The following RABGAP1L variants were observed in gnomAD, a reference collection of about 807,000 sequenced individuals.
RABGAP1L encodes the protein RAB GTPase activating protein 1 like.
RABGAP1L carries 63 observed loss-of-function variants against 137.7 expected under a neutral mutation model. That is an observed-to-expected ratio of 0.46 (90% CI 0.37 to 0.56). The LOEUF (loss-of-function observed/expected upper bound fraction) is 0.56, where lower values mean the gene tolerates loss of function less well. Among genes scored for constraint, RABGAP1L ranks in the 20% least tolerant of loss-of-function variants. The pLI, the probability that RABGAP1L is intolerant of heterozygous loss-of-function variation, is 0.00. For missense variants in RABGAP1L, 1,095 were observed against 1,244.0 expected (o/e 0.88, Z 1.80); for synonymous variants, 431 against 433.7 (o/e 0.99, Z 0.08).
intron 18 of RABGAP1L, among the ~76,000 whole-genome samples, chr1:174,775,659 C>T (rs1410630371): frequency 1.3e-5 from 2 of 151,970 alleles, no homozygotes; most frequent in Non-Finnish European, 2.9e-5. Context: ...TATAGTCTAC[C>T]CTACTGACCT....
chr1:174,310,713 T>G (rs1344083352), intron 11 of RABGAP1L, among the ~76,000 whole-genome samples: 1 of 152,160 alleles, frequency 6.6e-6, no homozygotes, highest in Non-Finnish European at 1.5e-5. Context: ...TTTTTTAATT[T>G]TATTTTTTGT....
intron 13 of RABGAP1L, among the ~76,000 whole-genome samples, chr1:174,522,231 G>T (rs963985518): frequency 6.6e-6 from 1 of 152,160 alleles, no homozygotes; most frequent in Admixed American, 6.5e-5. Flanking sequence ...GGATATTGCA[G>T]AACAGCAGAA....
At chr1:174,454,001 A>G (rs1207102848) in intron 13 of RABGAP1L, among the ~76,000 whole-genome samples, 1 of 152,188 alleles carries the variant, frequency 6.6e-6, no homozygotes, top group African/African-American at 2.4e-5. Context: ...GCGGTGGCTC[A>G]CACCCGTAAT....
rs185272746 is a variant in RABGAP1L, at chr1:174,542,565, T to A, written c.1711-94810T>A. On this transcript the variant is annotated intron_variant, in intron 13 of 25. Transcript: ENST00000681986. Reference sequence around the variant, plus strand: ...ACCAGCTCCTGGATTCATTGATTTTTTGAAGGGTTTTTTGTGTCTCTATCT... The same window carrying A: ...ACCAGCTCCTGGATTCATTGATTTTATGAAGGGTTTTTTGTGTCTCTATCT... Among the ~76,000 whole-genome samples the A allele has an allele frequency of 6.8e-3, 1,037 of 152,328 alleles. 9 individuals are homozygous for A. The highest frequency in any genetic ancestry group is 0.014 in the Middle Eastern group (4 of 294).
At chr1:174,159,749 G>C (rs1160208023) in intron 1 of RABGAP1L, 92 bp downstream of exon 1, 2 of 152,638 alleles carry the variant, frequency 1.3e-5, no homozygotes, top group African/African-American at 4.8e-5. Context: ...GCGTCGGGCT[G>C]AGCCTGGGGA....
intron 1 of RABGAP1L, among the ~76,000 whole-genome samples, chr1:174,168,264 CAAAAAAAAA>C (rs3056992): frequency 1.5e-5 from 1 of 64,720 alleles, no homozygotes; most frequent in Non-Finnish European, 3.0e-5. Flanking sequence ...GACTCGGTCT[CAAAAAAAAA>C]AAAAAAAAAA....
At chr1:174,207,335 A>G (rs983172509) in intron 1 of RABGAP1L, among the ~76,000 whole-genome samples, 1 of 152,182 alleles carries the variant, frequency 6.6e-6, no homozygotes, top group Admixed American at 6.5e-5. Context: ...TATTATTTAA[A>G]AGACCTCTGA....
intron 13 of RABGAP1L, among the ~76,000 whole-genome samples, chr1:174,575,525 A>G (rs1572376007): frequency 1.3e-5 from 2 of 152,314 alleles, no homozygotes; most frequent in South Asian, 4.1e-4. Context: ...GGTCTTGTAT[A>G]TAAATTTTAT....
At chr1:174,449,513 TTCTG>T (rs1655190441) in intron 13 of RABGAP1L, among the ~76,000 whole-genome samples, 1 of 152,196 alleles carries the variant, frequency 6.6e-6, no homozygotes, top group African/African-American at 2.4e-5. Context: ...GGCTCAGCAT[TTCTG>T]TCTTTCTGTC....
intron 19 of RABGAP1L, among the ~76,000 whole-genome samples, chr1:174,947,624 T>G (rs947707029): frequency 6.6e-6 from 1 of 152,014 alleles, no homozygotes; most frequent in Non-Finnish European, 1.5e-5. Flanking sequence ...TCCACCATGT[T>G]GGCCAGGCTG....
At chr1:174,969,423 A>C in intron 21 of RABGAP1L, 36 bp downstream of exon 21, 1 of 1,486,410 alleles carries the variant, frequency 6.7e-7, no homozygotes, top group Non-Finnish European at 9.2e-7. Context: ...TGACTTCCTC[A>C]GGGCAAAGAC....
intron 18 of RABGAP1L, chr1:174,756,993 A>G: frequency 1.1e-6 from 1 of 909,396 alleles, no homozygotes; most frequent in Non-Finnish European, 1.7e-6. Flanking sequence ...AGGACAACAT[A>G]GGCCTTGTCA....
At chr1:174,846,252 T>G (rs1454086235) in intron 19 of RABGAP1L, among the ~76,000 whole-genome samples, 83 of 143,298 alleles carry the variant, frequency 5.8e-4, no homozygotes, top group African/African-American at 2.0e-3. Context: ...TTTTAGTTAT[T>G]TCTTGCCTTC....
intron 11 of RABGAP1L, among the ~76,000 whole-genome samples, chr1:174,321,459 C>T (rs139157914): frequency 9.9e-5 from 15 of 152,136 alleles, no homozygotes; most frequent in East Asian, 9.7e-4. Flanking sequence ...TGGAAACTGC[C>T]GACATGTGAT....
chr1:174,991,728 T>G lies in RABGAP1L; in HGVS notation c.*1727T>G, dbSNP rs1417374540. On this transcript the variant is annotated 3_prime_UTR_variant, in exon 26 of 26. Coordinates refer to ENST00000681986, the MANE Select transcript of RABGAP1L (RefSeq NM_001366446.1). ...GGAACATAACCCAGCATTCCAAGTG[T>G]CTGTGTTGGCTTTAACATTCTCTAC... is the stretch of plus-strand genomic sequence containing the variant. The G allele has an allele frequency of 1.3e-5, 2 of 152,176 alleles. No individual in the cohort carries two copies. The highest frequency in any genetic ancestry group is 4.8e-5 in the African/African-American group (2 of 41,450). The allele number at this position is 152,176 out of a possible 1,614,324, so 9.4% of individuals were successfully genotyped here.
chr1:174,400,196 C>T (rs762395430), intron 13 of RABGAP1L, among the ~76,000 whole-genome samples: 22 of 152,058 alleles, frequency 1.4e-4, no homozygotes, highest in African/African-American at 5.3e-4. Context: ...TTGCCATGGG[C>T]GTATTACTCT....
chr1:174,194,495 A>G (rs1667430917), intron 1 of RABGAP1L, among the ~76,000 whole-genome samples: 2 of 151,960 alleles, frequency 1.3e-5, no homozygotes, highest in South Asian at 4.2e-4. Flanking sequence ...CAGCCTCCCA[A>G]AGTGCTGGGA....
At chr1:174,939,099 T>A (rs75286495) in intron 19 of RABGAP1L, among the ~76,000 whole-genome samples, 1,782 of 152,364 alleles carry the variant, frequency 0.012, 38 homozygotes, top group African/African-American at 0.04. Flanking sequence ...TCGATTTTTT[T>A]AAATCAATTT....
chr1:174,349,317 C>T lies in RABGAP1L; in HGVS notation c.1466-21662C>T, dbSNP rs1189447125. Among the ~76,000 whole-genome samples the T allele has an allele frequency of 5.5e-5, 7 of 127,176 alleles. No individual in the cohort carries two copies. In the East Asian group the frequency reaches 1.4e-3, roughly 25 times the overall value. 83.4% of individuals were successfully genotyped at this position (127,176 alleles called of 152,430 possible). On this transcript the variant is annotated intron_variant, in intron 11 of 25. Transcript: ENST00000681986. ...CAGTAGGGGCGGCCGGGCAGAGGCG[C>T]CCCTCACCTCCCGGATGGGGCCACT...
Sources: gnomAD v4.1 joint callset for allele counts (sites outside exome capture counted in the v4.1 genomes callset) on GRCh38, gnomAD v4.1.1 for gene constraint, MANE v1.5 for transcripts, NCBI Gene and HGNC (gene_info 2026-07-23, HGNC 2026-07-21) for gene names.